COPG1: variants seen among roughly 807,000 people sequenced by gnomAD.
COPG1 encodes coatomer subunit gamma-1.
COPG1 carries 29 observed loss-of-function variants against 102.8 expected under a neutral mutation model. The observed-to-expected ratio is 0.28, with a 90% CI of 0.21 to 0.38. The LOEUF (loss-of-function observed/expected upper bound fraction) is 0.38, where lower values mean the gene tolerates loss of function less well. Among genes scored for constraint, COPG1 ranks in the 10% least tolerant of loss-of-function variants. The pLI is 1.00. For synonymous variants in COPG1, 406 were observed against 421.6 expected (o/e 0.96, Z 0.45); for missense variants, 875 against 1,132.7 (o/e 0.77, Z 3.27).
rs760291842 is a variant in COPG1, at chr3:129,260,414, T to C, written c.939+14T>C. 40 of 1,613,068 alleles carry C rather than the reference T, an allele frequency of 2.5e-5. No homozygotes were observed. The South Asian group carries it at 2.9e-4, about 12-fold the overall frequency. On this transcript the variant is annotated intron_variant, in intron 11 of 23. Coordinates refer to ENST00000314797, the MANE Select transcript of COPG1 (RefSeq NM_016128.4). ...ACCCTCAATAAGGTAAGAGTCCAGC[T>C]TGGGGGTTGGAGGAAGCTGTCTGAT...
chr3:129,270,017 A>G (rs1940154760), intron 18 of COPG1, among the ~76,000 whole-genome samples: 1 of 143,706 alleles, frequency 7.0e-6, no homozygotes, highest in Non-Finnish European at 1.5e-5. Flanking sequence ...AGAAGGTCAG[A>G]GTAGAGTGAT....
At chr3:129,260,233 A>T (rs1018343224) in intron 10 of COPG1, 100 bp from the exon 11 acceptor site, 10 of 1,081,558 alleles carry the variant, frequency 9.2e-6, no homozygotes, top group Non-Finnish European at 1.4e-5. Context: ...CAGCAGGGAA[A>T]TGAGCTGAGC....
chr3:129,276,234 T>A (rs146948205), intron 23 of COPG1, among the ~76,000 whole-genome samples: 1 of 152,370 alleles, frequency 6.6e-6, no homozygotes, highest in East Asian at 1.9e-4. Flanking sequence ...TCAATGAAGT[T>A]AAGTATCTTC....
At chr3:129,260,921 G>T (rs1401672898) in intron 12 of COPG1, 114 bp downstream of exon 12, 4 of 1,110,294 alleles carry the variant, frequency 3.6e-6, no homozygotes, top group Non-Finnish European at 3.9e-6. Flanking sequence ...CAGCCTTGAG[G>T]ACTCAGAGGA....
chr3:129,274,765 T>G, intron 21 of COPG1, 73 bp from the exon 22 acceptor site: 1 of 1,515,374 alleles, frequency 6.6e-7, no homozygotes, highest in Non-Finnish European at 9.1e-7. Context: ...CAGGAAGGGA[T>G]GTGTGGATGA....
At chr3:129,257,213 T>TTTA (rs1197458513) in intron 8 of COPG1, among the ~76,000 whole-genome samples, 5 of 152,240 alleles carry the variant, frequency 3.3e-5, no homozygotes, top group Non-Finnish European at 7.3e-5. Context: ...CATATCTGTA[T>TTTA]TTATGCTACC....
chr3:129,262,101 A>T (rs1939936712), intron 12 of COPG1, among the ~76,000 whole-genome samples: 1 of 152,150 alleles, frequency 6.6e-6, no homozygotes, highest in Non-Finnish European at 1.5e-5. Flanking sequence ...CTGAAATGAC[A>T]CAGTGAGATT....
chr3:129,272,271 C>G lies in COPG1; in HGVS notation c.2014C>G (p.Gln672Glu). The change falls in exon 20 of 24, where the codon CAG becomes GAG. Residue 672 changes from glutamine to glutamate, a missense_variant. Coordinates refer to ENST00000314797, the MANE Select transcript of COPG1 (RefSeq NM_016128.4). The part of the protein sequence containing the change: ...QFDCTNTLND[Q>E]TLENVTVQME... The stretch of plus-strand genomic sequence containing the variant: ...TGACTGCACAAACACACTCAATGAC[C>G]AGACCTTGGAGAATGTCACAGTGCA... 1 of 1,614,082 alleles carries G rather than the reference C, an allele frequency of 6.2e-7. No individual in the cohort carries two copies.
At chr3:129,255,923 G>A in intron 7 of COPG1, 145 bp from the exon 8 acceptor site, 1 of 620,592 alleles carries the variant, frequency 1.6e-6, no homozygotes, top group Non-Finnish European at 2.9e-6. Context: ...TTGAGGGTGG[G>A]AGCATCCTGA....
Position 129,272,371 on chromosome 3 carries a change from C to G in COPG1, c.2114C>G (p.Thr705Ser), listed in dbSNP as rs1490517365. Reference protein sequence around the residue: ...ARSLPYNQPGTCYTLVALPKE... With the variant: ...ARSLPYNQPGSCYTLVALPKE... Reference sequence around the variant, plus strand: ...AGCCTGCCCTACAACCAGCCCGGGACCTGCTACACACTGGTGGCACTGCCC... The same window carrying G: ...AGCCTGCCCTACAACCAGCCCGGGAGCTGCTACACACTGGTGGCACTGCCC... The change falls in exon 20 of 24, where the codon ACC becomes AGC. Residue 705 changes from threonine (T) to serine (S), a missense_variant. By Grantham distance (58) the Thr-to-Ser change is moderately conservative (BLOSUM62 1). Coordinates refer to ENST00000314797, the MANE Select transcript of COPG1 (RefSeq NM_016128.4). 6.2e-7 allele frequency: 1 copy of G among 1,613,970 alleles called. No homozygotes were observed. The highest frequency in any genetic ancestry group is 1.3e-5 in the African/African-American group (1 of 74,898).
Position 129,272,281 on chromosome 3 carries a change from A to C in COPG1, c.2024A>C (p.Glu675Ala). ...AACACACTCAATGACCAGACCTTGG[A>C]GAATGTCACAGTGCAGATGGAGCCC... The part of the protein sequence containing the change: ...CTNTLNDQTL[E>A]NVTVQMEPTE... The change falls in exon 20 of 24, where the codon GAG (glutamate) becomes GCG (alanine). Residue 675 changes from glutamate (E) to alanine (A), a missense_variant. Transcript: ENST00000314797. 1.2e-6 allele frequency: 2 copies of C among 1,614,046 alleles called. No individual in the cohort carries two copies. Among genetic ancestry groups the C allele is most frequent in the Non-Finnish European group, 1.7e-6 (2 of 1,179,940 alleles).
chr3:129,265,880 T>G, intron 14 of COPG1, 88 bp downstream of exon 14: 1 of 1,345,802 alleles, frequency 7.4e-7, no homozygotes, highest in Non-Finnish European at 1.0e-6. Flanking sequence ...CAGTGGGGAT[T>G]TGTGCACTCA....
At chr3:129,276,905 C>A (rs1410798485) in intron 23 of COPG1, among the ~76,000 whole-genome samples, 2 of 148,086 alleles carry the variant, frequency 1.4e-5, no homozygotes, top group Non-Finnish European at 3.0e-5. Context: ...CTCGCTGCAA[C>A]CTCCGCCTCC....
chr3:129,257,398 C>T, intron 8 of COPG1, 72 bp from the exon 9 acceptor site: 2 of 1,551,280 alleles, frequency 1.3e-6, no homozygotes, highest in Non-Finnish European at 1.8e-6. Flanking sequence ...CTGAAGGACC[C>T]ACCCAGGGCC....
Position 129,257,631 on chromosome 3 carries a change from A to G in COPG1, c.737+4A>G, listed in dbSNP as rs2107674320. On this transcript the variant is annotated splice_donor_region_variant and intron_variant, in intron 9 of 23. Coordinates refer to ENST00000314797, the MANE Select transcript of COPG1 (RefSeq NM_016128.4). ...AGCTGGAAGAGGAGGATGGCAGGTA[A>G]CGGCTCTCATCTCTCACCAGCTAGA... The G allele has an allele frequency of 6.2e-7, 1 of 1,614,212 alleles. No homozygotes were observed. Among genetic ancestry groups the G allele is most frequent in the East Asian group, 2.2e-5 (1 of 44,888 alleles).
chr3:129,273,998 ACTC>A, intron 21 of COPG1: 1 of 455,416 alleles, frequency 2.2e-6, no homozygotes, highest in Non-Finnish European at 4.4e-6. Context: ...GACTGTTAGA[ACTC>A]CTCCTGACTA....
At chr3:129,274,152 G>C (rs1940226532) in intron 21 of COPG1, 1 of 455,260 alleles carries the variant, frequency 2.2e-6, no homozygotes, top group Non-Finnish European at 4.4e-6. Flanking sequence ...CTCCTTGAGA[G>C]AGCTGGGTCT....
At position 129,268,602 on chromosome 3, in the gene COPG1, A is replaced by T. The variant is rs199581248; in HGVS notation, c.1756A>T (p.Met586Leu). 1 of 1,614,176 alleles carries T rather than the reference A, an allele frequency of 6.2e-7. No homozygotes were observed. The highest frequency in any genetic ancestry group is 1.7e-5 in the Admixed American group (1 of 60,030). Reference sequence around the variant, plus strand: ...GTCTGTGCCCCTGGCCACGGCGCCCATGGCAGAGCAGAGAACAGGTAACAC... The same window carrying T: ...GTCTGTGCCCCTGGCCACGGCGCCCTTGGCAGAGCAGAGAACAGGTAACAC... ...LKSVPLATAPMAEQRTESTPI... is the reference protein window; with the variant it reads ...LKSVPLATAPLAEQRTESTPI... Residue 586 changes from methionine (M) to leucine (L), a missense_variant, in exon 17 of 24, where the codon ATG becomes TTG. Transcript: ENST00000314797.
rs571082962 is a variant in COPG1, at chr3:129,271,444, C to T, written c.1844-323C>T. Among the ~76,000 whole-genome samples, 8 of 152,232 alleles carry T rather than the reference C, an allele frequency of 5.3e-5. No homozygotes were observed. Among genetic ancestry groups the T allele is most frequent in the African/African-American group, 1.9e-4 (8 of 41,538 alleles). On this transcript the variant is annotated intron_variant, in intron 18 of 23. Coordinates refer to ENST00000314797, the MANE Select transcript of COPG1 (RefSeq NM_016128.4). This position sits in a 1 kb window ranked among gnomAD's most constrained non-coding sequence, Gnocchi z 4.7. ...CTTGCTGCGGTAGGGGGCGGAAATCCTTGCTAAGCTTCTATAGCTGGGGGA... is the reference window on the plus strand; with the variant it reads ...CTTGCTGCGGTAGGGGGCGGAAATCTTTGCTAAGCTTCTATAGCTGGGGGA...
Sources: gnomAD v4.1 joint callset for allele counts (sites outside exome capture counted in the v4.1 genomes callset) on GRCh38, gnomAD v4.1.1 for gene constraint, Gnocchi (gnomAD v3.1) non-coding constraint, MANE v1.5 for transcripts, NCBI Gene and HGNC (gene_info 2026-07-23, HGNC 2026-07-21) for gene names.